The following IFTAP variants were observed in gnomAD, a reference collection of about 807,000 sequenced individuals.
The protein encoded by IFTAP is intraflagellar transport-associated protein.
A neutral mutation model predicts 19.4 loss-of-function variants in IFTAP; 19 were observed. That is an observed-to-expected ratio of 0.98 (90% CI 0.68 to 1.44). IFTAP has a LOEUF of 1.44. Among genes scored for constraint, IFTAP ranks in the 40% most tolerant of loss-of-function variants. The probability of loss-of-function intolerance (pLI) is 0.00; values close to 1 mark genes in which losing one functional copy is unlikely to be tolerated. For synonymous variants in IFTAP, 85 were observed against 83.5 expected, an observed-to-expected ratio of 1.02 and a Z score of -0.10; for missense variants, 240 against 253.6, an observed-to-expected ratio of 0.95 and a Z score of 0.36.
chr11:36,624,290 A>G (rs781656816), intron 2 of IFTAP, among the ~76,000 whole-genome samples: 15 of 152,160 alleles, frequency 9.9e-5, no homozygotes, highest in Non-Finnish European at 1.6e-4. Context: ...TATCTACTCT[A>G]TGGCCAGCCA....
intron 1 of IFTAP, among the ~76,000 whole-genome samples, chr11:36,599,097 G>A (rs1379801492): frequency 1.3e-5 from 2 of 152,188 alleles, no homozygotes; most frequent in Admixed American, 6.5e-5. Context: ...AGGTTCAAGC[G>A]ATTCTCCTAC....
intron 4 of IFTAP, among the ~76,000 whole-genome samples, chr11:36,642,438 G>T (rs980772272): frequency 8.5e-5 from 13 of 152,272 alleles, no homozygotes. Flanking sequence ...ACGAGGAGGA[G>T]CTGGTACCAT....
intron 1 of IFTAP, among the ~76,000 whole-genome samples, chr11:36,606,453 A>T (rs2133367360): frequency 6.6e-6 from 1 of 152,212 alleles, no homozygotes; most frequent in Non-Finnish European, 1.5e-5. Context: ...AAATAAATAA[A>T]TAAATAAATA....
chr11:36,651,868 T>C (rs554764844), intron 5 of IFTAP, among the ~76,000 whole-genome samples: 203 of 152,262 alleles, frequency 1.3e-3, no homozygotes, highest in Admixed American at 3.1e-3. Flanking sequence ...GTTGTAGATG[T>C]GTGGTATTAT....
At chr11:36,647,945 G>C (rs1286528748) in intron 4 of IFTAP, 71 bp from the exon 5 acceptor site, 1 of 1,541,220 alleles carries the variant, frequency 6.5e-7, no homozygotes. Context: ...TTCGACTTCT[G>C]GGCATTTAAA....
rs758578358 is a variant in IFTAP at position 36,659,029 on chromosome 11, A to T, written c.509A>T (p.Asp170Val). The change falls in exon 6 of 6, where the codon GAT becomes GTT. Residue 170 changes from aspartate (D) to valine (V), a missense_variant. By Grantham distance (152) the Asp-to-Val change is radical. Coordinates refer to ENST00000334307, the MANE Select transcript of IFTAP (RefSeq NM_138787.4). ...MDKQTEEILG[D>V]EVQLFSLDEE... ...TGTTACCTTTTATAGATACTTGGAGATGAAGTTCAACTTTTTTCACTTGAT... is the reference window on the plus strand; with the variant it reads ...TGTTACCTTTTATAGATACTTGGAGTTGAAGTTCAACTTTTTTCACTTGAT... 6.3e-7 allele frequency: 1 copy of T among 1,593,098 alleles called. No homozygotes were observed. Among genetic ancestry groups the T allele is most frequent in the Admixed American group, 1.7e-5 (1 of 57,242 alleles).
intron 5 of IFTAP, among the ~76,000 whole-genome samples, chr11:36,653,033 A>G (rs1382977588): frequency 1.3e-5 from 2 of 152,086 alleles, no homozygotes; most frequent in South Asian, 2.1e-4. Context: ...GTCATAGAAG[A>G]AACTTGTGTG....
chr11:36,613,754 TG>T (rs1178297063), intron 2 of IFTAP, among the ~76,000 whole-genome samples: 1 of 152,064 alleles, frequency 6.6e-6, no homozygotes, highest in Admixed American at 6.6e-5. Context: ...AACTGAAAGA[TG>T]TTAAAATGCC....
chr11:36,613,917 CTT>C (rs199913512), intron 2 of IFTAP, among the ~76,000 whole-genome samples: 136 of 142,174 alleles, frequency 9.6e-4, no homozygotes, highest in African/African-American at 3.0e-3. Context: ...GTTGAGTTTT[CTT>C]TTTTTTTTTT....
chr11:36,637,760 G>T (rs1020725318), intron 4 of IFTAP, among the ~76,000 whole-genome samples: 1 of 152,070 alleles, frequency 6.6e-6, no homozygotes, highest in Admixed American at 6.5e-5. Context: ...TCATAAGAGG[G>T]CACAAAAGTA....
At chr11:36,628,594 A>T (rs1328472503) in intron 2 of IFTAP, among the ~76,000 whole-genome samples, 1 of 151,334 alleles carries the variant, frequency 6.6e-6, no homozygotes. Flanking sequence ...CCTTGCATAT[A>T]GTTGATGACC....
intron 2 of IFTAP, among the ~76,000 whole-genome samples, chr11:36,619,961 A>AGGCCATGGGACATG (rs1363254578): frequency 6.6e-6 from 1 of 151,984 alleles, no homozygotes; most frequent in East Asian, 1.9e-4. Flanking sequence ...CTGAAGACAT[A>AGGCCATGGGACATG]GGCCATGGGG....
intron 1 of IFTAP, among the ~76,000 whole-genome samples, chr11:36,596,640 T>A (rs1163667987): frequency 1.3e-5 from 2 of 152,188 alleles, no homozygotes; most frequent in Non-Finnish European, 2.9e-5. Flanking sequence ...ATCAGAGAGT[T>A]GTCCCATTTT....
intron 1 of IFTAP, among the ~76,000 whole-genome samples, chr11:36,596,222 G>GTTTTTTTTTTTTT (rs67282079): frequency 2.5e-4 from 30 of 118,356 alleles, no homozygotes; most frequent in Admixed American, 5.2e-4. Flanking sequence ...TTTTTTTTTT[G>GTTTTTTTTTTTTT]TTTTTTTTTT....
At chr11:36,610,012 C>T in intron 1 of IFTAP, 69 bp from the exon 2 acceptor site, 2 of 1,388,262 alleles carry the variant, frequency 1.4e-6, no homozygotes, top group Non-Finnish European at 2.0e-6. Flanking sequence ...TCAACCTACC[C>T]ATCCAGAATA....
intron 1 of IFTAP, among the ~76,000 whole-genome samples, chr11:36,605,685 C>A (rs943852053): frequency 6.6e-6 from 1 of 152,172 alleles, no homozygotes; most frequent in African/African-American, 2.4e-5. Context: ...GTGTAGTAGT[C>A]CATGGAGCAG....
chr11:36,656,566 T>C (rs1191721384), intron 5 of IFTAP, among the ~76,000 whole-genome samples: 1 of 148,510 alleles, frequency 6.7e-6, no homozygotes, highest in Non-Finnish European at 1.5e-5. Context: ...GGAGTCTCTG[T>C]TTAAAAAAAA....
intron 4 of IFTAP, among the ~76,000 whole-genome samples, chr11:36,638,270 A>C (rs556358909): frequency 6.6e-6 from 1 of 152,130 alleles, no homozygotes. Flanking sequence ...TATTTTTTTC[A>C]AGTTACATTT....
chr11:36,607,311 G>A (rs1363538405), intron 1 of IFTAP, among the ~76,000 whole-genome samples: 1 of 152,116 alleles, frequency 6.6e-6, no homozygotes, highest in Non-Finnish European at 1.5e-5. Flanking sequence ...TAGTAATCTT[G>A]TGAGGCATGT....
Sources: allele counts gnomAD v4.1 joint callset (sites outside exome capture counted in the v4.1 genomes callset), GRCh38; gene constraint gnomAD v4.1.1; transcripts MANE v1.5; gene names NCBI Gene and HGNC (gene_info 2026-07-23, HGNC 2026-07-21).